ERG: variants seen among roughly 807,000 people sequenced by gnomAD.
The protein encoded by ERG is ETS transcription factor ERG, also known as transcriptional regulator ERG.
Under a neutral mutation model 55.3 loss-of-function variants are expected in ERG, and 9 were observed. The observed-to-expected ratio is 0.16, with a 90% confidence interval of 0.10 to 0.28. ERG has a LOEUF of 0.28. ERG is among the 10% of genes least tolerant of loss of function. ERG has a pLI of 1.00. For synonymous variants in ERG, 223 were observed against 237.3 expected, an observed-to-expected ratio of 0.94 and a Z score of 0.55; for missense variants, 434 against 631.6, an observed-to-expected ratio of 0.69 and a Z score of 3.35.
At chr21:38,550,312 T>A (rs1365671764) in intron 2 of ERG, among the ~76,000 whole-genome samples, 1 of 151,972 alleles carries the variant, frequency 6.6e-6, no homozygotes, top group South Asian at 2.1e-4. Context: ...CCTGGAGTAA[T>A]AGATGGAGGC....
rs1987507300 is a variant in ERG, at chr21:38,382,757, A to G, written c.*646T>C. On this transcript the variant is annotated 3_prime_UTR_variant, in exon 10 of 10. Coordinates refer to ENST00000288319, the MANE Select transcript of ERG (RefSeq NM_182918.4). ...ATACACATCCTCAGTCCCACCTTTT[A>G]GTTCATAGTCCCGGTAATACTGTAA... The G allele has an allele frequency of 3.8e-6, 4 of 1,066,204 alleles. No individual in the cohort carries two copies. Among genetic ancestry groups the G allele is most frequent in the Non-Finnish European group, 4.5e-6 (4 of 879,620 alleles). 66.0% of individuals were successfully genotyped at this position (1,066,204 alleles called of 1,614,324 possible). A position where few individuals can be genotyped will look rare whatever the true frequency, so the allele number is the denominator to read the frequency against.
In ERG at chr21:38,381,274, G is replaced by A; in HGVS notation, c.*2129C>T. On this transcript the variant is annotated 3_prime_UTR_variant, in exon 10 of 10. Transcript: ENST00000288319. ...GTTCAGAAACCTATTCAGCTAAGAT[G>A]TTTCGGCTAGCGCCTTCGCACGGTC... 9.4e-7 allele frequency: 1 copy of A among 1,065,366 alleles called. No individual in the cohort carries two copies. Among genetic ancestry groups the A allele is most frequent in the Non-Finnish European group, 1.1e-6 (1 of 879,300 alleles). 66.0% of individuals were successfully genotyped at this position (1,065,366 alleles called of 1,614,324 possible).
chr21:38,475,211 C>T (rs1301284100), intron 1 of ERG, among the ~76,000 whole-genome samples: 1 of 152,144 alleles, frequency 6.6e-6, no homozygotes, highest in Non-Finnish European at 1.5e-5. Flanking sequence ...AAGCCAGCCC[C>T]ACCATAATCA....
intron 2 of ERG, among the ~76,000 whole-genome samples, chr21:38,432,961 G>A (rs1990288518): frequency 6.6e-6 from 1 of 152,220 alleles, no homozygotes; most frequent in African/African-American, 2.4e-5. Flanking sequence ...GAGTGGCCCT[G>A]AAGACAGTCA....
At chr21:38,493,958 T>C (rs893854043) in intron 1 of ERG, among the ~76,000 whole-genome samples, 1 of 152,040 alleles carries the variant, frequency 6.6e-6, no homozygotes, top group Non-Finnish European at 1.5e-5. Context: ...TGAAAGACAA[T>C]ACGGTAGAAA....
At chr21:38,439,667 C>T (rs2058822279) in intron 2 of ERG, among the ~76,000 whole-genome samples, 1 of 152,230 alleles carries the variant, frequency 6.6e-6, no homozygotes, top group South Asian at 2.1e-4. Context: ...CTGGCAGTGG[C>T]CAAGCCAAAC....
chr21:38,368,856 G>A, the ERG span, among the ~76,000 whole-genome samples: 1 of 152,174 alleles, frequency 6.6e-6, no homozygotes, highest in South Asian at 2.1e-4. Context: ...TTATAAGTGA[G>A]AACATACGGT....
At chr21:38,507,980 C>CACAA (rs2059477548) in intron 2 of ERG, among the ~76,000 whole-genome samples, 2 of 322 alleles carry the variant, frequency 6.2e-3, no homozygotes, top group East Asian at 0.1. Flanking sequence ...CACACAGAGA[C>CACAA]ACACAGACAC....
intron 2 of ERG, among the ~76,000 whole-genome samples, chr21:38,560,876 T>C (rs1240636633): frequency 6.6e-6 from 1 of 152,246 alleles, no homozygotes; most frequent in Non-Finnish European, 1.5e-5. Context: ...TAGGGTTGTA[T>C]GTAACATGCT....
chr21:38,572,437 G>A (rs9979405), intron 2 of ERG, among the ~76,000 whole-genome samples: 1 of 148,014 alleles, frequency 6.8e-6, no homozygotes, highest in Non-Finnish European at 1.5e-5. Flanking sequence ...AAAGCCAGAA[G>A]AAACTTCTCG....
chr21:38,500,330 G>A (rs1177633674), upstream of ERG, among the ~76,000 whole-genome samples: 1 of 152,194 alleles, frequency 6.6e-6, no homozygotes, highest in African/African-American at 2.4e-5. Flanking sequence ...TGCTAATCCA[G>A]CCCTCAGTTG....
intron 2 of ERG, among the ~76,000 whole-genome samples, chr21:38,441,569 C>A (rs2074447270): frequency 6.6e-6 from 1 of 152,214 alleles, no homozygotes; most frequent in Non-Finnish European, 1.5e-5. Context: ...CCAACTGATA[C>A]ACCAGGCCAG....
intron 3 of ERG, among the ~76,000 whole-genome samples, chr21:38,418,983 A>G (rs1372438867): frequency 6.6e-6 from 1 of 151,712 alleles, no homozygotes; most frequent in Admixed American, 6.6e-5. Flanking sequence ...CTTTCTAGTC[A>G]ACCTCCAAAT....
chr21:38,580,835 T>C (rs1313336948), intron 1 of ERG, among the ~76,000 whole-genome samples: 1 of 152,090 alleles, frequency 6.6e-6, no homozygotes, highest in Non-Finnish European at 1.5e-5. Flanking sequence ...TATTGCAAAA[T>C]GGTTAAGAGA....
chr21:38,429,829 C>G (rs1184648267), intron 2 of ERG, among the ~76,000 whole-genome samples: 1 of 151,924 alleles, frequency 6.6e-6, no homozygotes, highest in Non-Finnish European at 1.5e-5. Flanking sequence ...TTTGCAATTG[C>G]GAATTGTGCT....
intron 2 of ERG, among the ~76,000 whole-genome samples, chr21:38,431,303 T>C (rs1322016667): frequency 6.6e-6 from 1 of 152,194 alleles, no homozygotes; most frequent in Non-Finnish European, 1.5e-5. Flanking sequence ...CATGACTGTC[T>C]GGAAACCACT....
At chr21:38,384,994 C>T (rs1259466100) in intron 9 of ERG, among the ~76,000 whole-genome samples, 2 of 152,190 alleles carry the variant, frequency 1.3e-5, no homozygotes, top group African/African-American at 4.8e-5. Context: ...TGAGTGATTG[C>T]AAGTCCCCTT....
intron 2 of ERG, among the ~76,000 whole-genome samples, chr21:38,532,099 G>C (rs1016447522): frequency 1.3e-5 from 2 of 152,158 alleles, no homozygotes; most frequent in African/African-American, 2.4e-5. Flanking sequence ...AGATCACAAA[G>C]AGAATAAGAA....
At chr21:38,418,795 C>T (rs910133528) in intron 3 of ERG, among the ~76,000 whole-genome samples, 2 of 151,378 alleles carry the variant, frequency 1.3e-5, no homozygotes, top group African/African-American at 2.4e-5. Context: ...GGCGTGGTGG[C>T]GGGCGCCTGT....
Sources: allele counts gnomAD v4.1 joint callset (sites outside exome capture counted in the v4.1 genomes callset), GRCh38; gene constraint gnomAD v4.1.1; transcripts MANE v1.5; gene names NCBI Gene and HGNC (gene_info 2026-07-23, HGNC 2026-07-21).